PCDHA3: variants seen among roughly 807,000 people sequenced by gnomAD.
PCDHA3 encodes the protein protocadherin alpha 3.
Under a neutral mutation model 62.2 loss-of-function variants are expected in PCDHA3, and 41 were observed. The ratio of observed to expected loss-of-function variants is 0.66; its 90% CI spans 0.51 to 0.86. PCDHA3 has a LOEUF of 0.86. PCDHA3 is among the 40% of genes least tolerant of loss of function. PCDHA3 has a pLI of 0.00. For missense variants in PCDHA3, 1,304 were observed against 1,241.2 expected (o/e 1.05, Z -0.76); for synonymous variants, 640 against 555.4 (o/e 1.15, Z -2.14).
At chr5:140,817,794 G>T (rs1031395082) in intron 1 of PCDHA3, among the ~76,000 whole-genome samples, 2 of 152,282 alleles carry the variant, frequency 1.3e-5, no homozygotes, top group East Asian at 3.9e-4. Context: ...TGCTGGTAAA[G>T]AAACCTTTAC....
At chr5:140,804,973 T>C (rs547495215) in intron 1 of PCDHA3, 4 of 1,486,108 alleles carry the variant, frequency 2.7e-6, no homozygotes, top group East Asian at 5.0e-5. Context: ...CCATAGTGTG[T>C]CCATCTCAGG....
intron 1 of PCDHA3, among the ~76,000 whole-genome samples, chr5:140,914,715 T>A (rs1554196547): frequency 6.6e-6 from 1 of 152,162 alleles, no homozygotes; most frequent in Non-Finnish European, 1.5e-5. Flanking sequence ...TTCTTGTTTT[T>A]TATTTTTTGT....
rs782195215 is a variant in PCDHA3 at position 140,856,375 on chromosome 5, G to A, written c.2394+52784G>A. The stretch of plus-strand genomic sequence containing the variant: ...GCAGCATCCACCTGGAGGTGATCGT[G>A]GACAGGCCGCTGCAGGTTTTCCATG... On this transcript the variant is annotated intron_variant, in intron 1 of 3. Transcript: ENST00000522353. The A allele has an allele frequency of 1.9e-5, 30 of 1,598,518 alleles. 2 individuals are homozygous for A. The highest frequency in any genetic ancestry group is 2.5e-5 in the Non-Finnish European group (29 of 1,167,968).
At chr5:140,882,048 C>T in intron 1 of PCDHA3, 1 of 745,800 alleles carries the variant, frequency 1.3e-6, no homozygotes, top group Non-Finnish European at 2.1e-6. Context: ...CTGAGTCATA[C>T]TTACACTTAC....
At chr5:140,967,456 G>C in intron 1 of PCDHA3, 1 of 1,613,598 alleles carries the variant, frequency 6.2e-7, no homozygotes, top group Non-Finnish European at 8.5e-7. Context: ...TCACAGCCGT[G>C]GATGGGGGCA....
At chr5:140,952,961 A>G (rs531904047) in intron 1 of PCDHA3, among the ~76,000 whole-genome samples, 1 of 152,158 alleles carries the variant, frequency 6.6e-6, no homozygotes, top group East Asian at 1.9e-4. Context: ...GGGAAGTGAT[A>G]CACACTTTTA....
chr5:140,956,408 C>T (rs1192859348), intron 1 of PCDHA3, among the ~76,000 whole-genome samples: 1 of 152,122 alleles, frequency 6.6e-6, no homozygotes, highest in Non-Finnish European at 1.5e-5. Context: ...TTGAGATAAT[C>T]ATGTGGGTTT....
rs116104145 is a variant in PCDHA3, at chr5:140,901,150, A to G, written c.2395-77799A>G. Among the ~76,000 whole-genome samples, 839 of 152,012 alleles carry G rather than the reference A, an allele frequency of 5.5e-3. 12 individuals carry two copies. Among genetic ancestry groups the G allele is most frequent in the African/African-American group, 0.019 (783 of 41,484 alleles). On this transcript the variant is annotated intron_variant, in intron 1 of 3. Transcript: ENST00000522353. ...GGTAGATTGTAAATATTTTCTCTCA[A>G]TCTGTGGGTTGTCTCTTCACTTTGT...
intron 1 of PCDHA3, chr5:140,927,371 G>GCTACAGCCTAAGCC: frequency 6.2e-7 from 1 of 1,614,080 alleles, no homozygotes; most frequent in Non-Finnish European, 8.5e-7. Context: ...GGGATACTAA[G>GCTACAGCCTAAGCC]CTACAGCCTA....
intron 3 of PCDHA3, among the ~76,000 whole-genome samples, chr5:140,989,670 C>T (rs907417768): frequency 6.6e-6 from 1 of 152,104 alleles, no homozygotes; most frequent in African/African-American, 2.4e-5. Flanking sequence ...GAAACTCTGC[C>T]CAGATTTCAA....
At chr5:140,806,495 C>T (rs375920717) in intron 1 of PCDHA3, among the ~76,000 whole-genome samples, 1 of 152,288 alleles carries the variant, frequency 6.6e-6, no homozygotes, top group East Asian at 1.9e-4. Context: ...TGACATGACT[C>T]AAGGAAGACA....
chr5:140,974,126 T>C (rs1554235851), intron 1 of PCDHA3, among the ~76,000 whole-genome samples: 1 of 152,242 alleles, frequency 6.6e-6, no homozygotes, highest in Non-Finnish European at 1.5e-5. Flanking sequence ...GTGTTTTAAA[T>C]CTGCTAACCT....
At chr5:140,971,843 G>A (rs1250084892) in intron 1 of PCDHA3, among the ~76,000 whole-genome samples, 2 of 151,906 alleles carry the variant, frequency 1.3e-5, no homozygotes, top group African/African-American at 4.8e-5. Flanking sequence ...TGCAAGTCAT[G>A]CGTTAAATAT....
At chr5:141,005,470 G>A (rs1563690887) in intron 3 of PCDHA3, among the ~76,000 whole-genome samples, 1 of 151,836 alleles carries the variant, frequency 6.6e-6, no homozygotes, top group South Asian at 2.1e-4. Context: ...TTGGGAGGCC[G>A]AGACGGGCGG....
chr5:140,805,556 G>C (rs1763591280), intron 1 of PCDHA3: 5 of 977,096 alleles, frequency 5.1e-6, no homozygotes, highest in Non-Finnish European at 4.9e-6. Flanking sequence ...GGATATAGGA[G>C]GCAAGGAAAG....
In PCDHA3 at chr5:140,803,468, G is replaced by T; in HGVS notation, c.2271G>T (p.Arg757Ser). 3 of 1,614,252 alleles carry T rather than the reference G, an allele frequency of 1.9e-6. No homozygotes were observed. The highest frequency in any genetic ancestry group is 1.3e-5 in the African/African-American group (1 of 75,076). The change falls in exon 1 of 4, where the codon AGG (arginine) becomes AGT (serine). Residue 757 changes from arginine to serine, a missense_variant. Transcript: ENST00000522353. ...CATACTCGCAGCAGAGGCAGCAGAG[G>T]GTGTGCTCTGGAGAGGGGTTGCCCA... is the stretch of plus-strand genomic sequence containing the variant. ...SWSYSQQRQQ[R>S]VCSGEGLPKT...
chr5:140,884,260 G>A (rs781862611), intron 1 of PCDHA3: 19 of 1,613,410 alleles, frequency 1.2e-5, no homozygotes, highest in Non-Finnish European at 1.5e-5. Flanking sequence ...CCACGGCAAC[G>A]GTGCTGTTGT....
At chr5:140,876,884 G>A (rs782742455) in intron 1 of PCDHA3, 11 of 1,614,028 alleles carry the variant, frequency 6.8e-6, no homozygotes, top group East Asian at 2.2e-5. Flanking sequence ...AACCCGCCGG[G>A]CTGCCACATC....
At chr5:140,928,809 G>A (rs1563109634) in intron 1 of PCDHA3, 2 of 1,614,078 alleles carry the variant, frequency 1.2e-6, no homozygotes, top group African/African-American at 2.7e-5. Flanking sequence ...TAGTGGTTCG[G>A]GACCATGGAG....
Sources: allele counts gnomAD v4.1 joint callset (sites outside exome capture counted in the v4.1 genomes callset), GRCh38; gene constraint gnomAD v4.1.1; transcripts MANE v1.5; gene names NCBI Gene and HGNC (gene_info 2026-07-23, HGNC 2026-07-21).